PPARG: variants seen among roughly 807,000 people sequenced by gnomAD.
The protein encoded by PPARG is peroxisome proliferator activated receptor gamma, also known as peroxisome proliferator-activated receptor gamma.
Under a neutral mutation model 39.2 loss-of-function variants are expected in PPARG, and 17 were observed. The ratio of observed to expected loss-of-function variants is 0.43; its 90% CI spans 0.30 to 0.65. The LOEUF (loss-of-function observed/expected upper bound fraction) is 0.65. Ranked by LOEUF, PPARG falls within the 30% of genes least tolerant of loss-of-function variation. The pLI, the probability that PPARG is intolerant of heterozygous loss-of-function variation, is 0.13. For synonymous variants in PPARG, 223 were observed against 215.7 expected (o/e 1.03, Z -0.30); for missense variants, 406 against 585.9 (o/e 0.69, Z 3.17).
At chr3:12,381,205 C>T in intron 3 of PPARG, 117 bp from the exon 4 acceptor site, 1 of 1,068,960 alleles carries the variant, frequency 9.4e-7, no homozygotes, top group Non-Finnish European at 1.4e-6. Flanking sequence ...TTCCACTGTG[C>T]TTTTACACTG....
intron 1 of PPARG, among the ~76,000 whole-genome samples, chr3:12,294,106 G>A (rs1190467702): frequency 2.0e-5 from 3 of 152,122 alleles, no homozygotes; most frequent in Non-Finnish European, 4.4e-5. Flanking sequence ...AAACAGATTT[G>A]GAGTTTGAAA....
At chr3:12,379,985 T>C (rs1165998037) in intron 3 of PPARG, 54 bp downstream of exon 3, 1 of 1,406,986 alleles carries the variant, frequency 7.1e-7, no homozygotes, top group Non-Finnish European at 1.0e-6. Flanking sequence ...TGGACTCATC[T>C]CTCAGTAACC....
At chr3:12,289,020 A>T (rs1170326764), upstream of PPARG, 3 of 152,256 alleles carry the variant, frequency 2.0e-5, no homozygotes, top group South Asian at 2.1e-4. Context: ...AGAAACGGGG[A>T]GTAACCGAGC....
chr3:12,396,615 G>A (rs751751499), intron 5 of PPARG, among the ~76,000 whole-genome samples: 1 of 151,928 alleles, frequency 6.6e-6, no homozygotes, highest in African/African-American at 2.4e-5. Flanking sequence ...AAAATTAGTC[G>A]GGCGTGATGG....
At chr3:12,362,833 T>C (rs1270082628) in intron 2 of PPARG, among the ~76,000 whole-genome samples, 6 of 152,146 alleles carry the variant, frequency 3.9e-5, no homozygotes, top group Non-Finnish European at 7.4e-5. Context: ...AGATTTTCTT[T>C]AGCAGACTAA....
chr3:12,391,488 A>G (rs1357268911), intron 4 of PPARG, among the ~76,000 whole-genome samples: 2 of 152,160 alleles, frequency 1.3e-5, no homozygotes, highest in African/African-American at 4.8e-5. Flanking sequence ...ATTTAGAGAA[A>G]GCTTTCTTCT....
At chr3:12,305,681 T>C (rs2047043690) in intron 1 of PPARG, 1 of 152,264 alleles carries the variant, frequency 6.6e-6, no homozygotes, top group South Asian at 2.1e-4. Flanking sequence ...AAATAATTGT[T>C]GCTTAATATT....
chr3:12,380,683 C>T (rs1212190552), intron 3 of PPARG, among the ~76,000 whole-genome samples: 4 of 152,108 alleles, frequency 2.6e-5, no homozygotes, highest in South Asian at 4.1e-4. Context: ...TTTATCTATG[C>T]GGTTTTCAGT....
intron 2 of PPARG, among the ~76,000 whole-genome samples, chr3:12,325,572 G>T (rs985662426): frequency 7.2e-5 from 11 of 152,010 alleles, no homozygotes; most frequent in East Asian, 5.8e-4. Flanking sequence ...CTGCACTCCA[G>T]CCTGGGGGAC....
chr3:12,330,614 T>A (rs1364191861), intron 2 of PPARG, among the ~76,000 whole-genome samples: 2 of 152,218 alleles, frequency 1.3e-5, no homozygotes, highest in African/African-American at 4.8e-5. Flanking sequence ...GCCATATACA[T>A]TGAATTAAGG....
At chr3:12,328,220 C>A in intron 2 of PPARG, 1 of 1,518,022 alleles carries the variant, frequency 6.6e-7, no homozygotes, top group Non-Finnish European at 9.0e-7. Flanking sequence ...TGGAGCGGAG[C>A]GTTAAGGAAG....
chr3:12,307,138 CT>C (rs71268430), intron 1 of PPARG, among the ~76,000 whole-genome samples: 2,798 of 128,668 alleles, frequency 0.022, 77 homozygotes, highest in African/African-American at 0.072. Flanking sequence ...TTAGGAAATT[CT>C]TTTTTTTTTT....
At chr3:12,369,263 G>C (rs2049125436) in intron 2 of PPARG, among the ~76,000 whole-genome samples, 1 of 152,132 alleles carries the variant, frequency 6.6e-6, no homozygotes, top group Non-Finnish European at 1.5e-5. Context: ...AGGTCAAGAT[G>C]GGCACATCGC....
chr3:12,413,024 G>A (rs2050932630), intron 6 of PPARG, among the ~76,000 whole-genome samples: 1 of 152,188 alleles, frequency 6.6e-6, no homozygotes, highest in Non-Finnish European at 1.5e-5. Context: ...GATGGAAAGT[G>A]TAAGGACTCC....
Position 12,355,116 on chromosome 3 carries a change from A to T in PPARG, c.-8-24588A>T, listed in dbSNP as rs1424222839. On this transcript the variant is annotated intron_variant, in intron 2 of 7. Transcript: ENST00000651735. The stretch of plus-strand genomic sequence containing the variant: ...ACACTGAAGTAGAAGTCCAGAAAAG[A>T]TTTGAGTTATTGACACAGATCTTCT... Among the ~76,000 whole-genome samples, 4 of 152,110 alleles carry T rather than the reference A, an allele frequency of 2.6e-5. No individual in the cohort carries two copies. The East Asian group carries it at 7.7e-4, about 29-fold the overall frequency.
chr3:12,408,814 TACC>T, intron 6 of PPARG, among the ~76,000 whole-genome samples: 1 of 144,520 alleles, frequency 6.9e-6, no homozygotes, highest in African/African-American at 2.7e-5. Flanking sequence ...AACTTAATAG[TACC>T]AGAAAGTCAG....
intron 2 of PPARG, among the ~76,000 whole-genome samples, chr3:12,314,872 T>C (rs1204588971): frequency 1.3e-5 from 2 of 152,186 alleles, no homozygotes; most frequent in Admixed American, 6.5e-5. Context: ...TGTGGTACAG[T>C]GTGACATTTC....
chr3:12,364,624 G>A (rs924458950), intron 2 of PPARG, among the ~76,000 whole-genome samples: 5 of 152,142 alleles, frequency 3.3e-5, no homozygotes, highest in African/African-American at 4.8e-5. Flanking sequence ...ATAAGAAATG[G>A]CCACACTGTC....
intron 4 of PPARG, among the ~76,000 whole-genome samples, chr3:12,389,766 G>T (rs187001521): frequency 2.0e-5 from 3 of 152,164 alleles, no homozygotes; most frequent in Admixed American, 2.0e-4. Context: ...GTATGGTGGT[G>T]CATGCCTATA....
Sources: allele counts gnomAD v4.1 joint callset (sites outside exome capture counted in the v4.1 genomes callset), GRCh38; gene constraint gnomAD v4.1.1; transcripts MANE v1.5; gene names NCBI Gene and HGNC (gene_info 2026-07-23, HGNC 2026-07-21).